Variants in MBOAT1 observed in about 807,000 individuals in gnomAD.
MBOAT1 encodes membrane-bound glycerophospholipid O-acyltransferase 1.
In MBOAT1, 67 loss-of-function variants were observed where a neutral mutation model predicts 64.4. The ratio of observed to expected loss-of-function variants is 1.04; its 90% confidence interval spans 0.85 to 1.27. MBOAT1 has a LOEUF of 1.27. Ranked by LOEUF, MBOAT1 falls within the 50% of genes most tolerant of loss-of-function variation. The pLI is 0.00. For missense variants in MBOAT1, 563 were observed against 604.6 expected, an observed-to-expected ratio of 0.93 and a Z score of 0.72; for synonymous variants, 229 against 218.9, an observed-to-expected ratio of 1.05 and a Z score of -0.41.
chr6:20,128,967 T>C (rs1185589184), intron 5 of MBOAT1, among the ~76,000 whole-genome samples: 2 of 152,132 alleles, frequency 1.3e-5, no homozygotes, highest in African/African-American at 2.4e-5. Flanking sequence ...TAGGTTCACA[T>C]GGAGAGGGGA....
intron 1 of MBOAT1, among the ~76,000 whole-genome samples, chr6:20,169,871 C>G (rs1163043378): frequency 2.0e-5 from 3 of 152,192 alleles, no homozygotes; most frequent in African/African-American, 4.8e-5. Context: ...TTTAACCTCC[C>G]TTTGTGCCAT....
chr6:20,138,762 G>A (rs1003696781), intron 4 of MBOAT1, among the ~76,000 whole-genome samples: 3 of 152,134 alleles, frequency 2.0e-5, no homozygotes, highest in African/African-American at 7.2e-5. Context: ...ACGCACATGA[G>A]CTTCCTAGGG....
intron 11 of MBOAT1, among the ~76,000 whole-genome samples, chr6:20,111,483 G>A (rs938255668): frequency 3.9e-5 from 6 of 151,922 alleles, no homozygotes; most frequent in African/African-American, 7.3e-5. Context: ...CTCTCTATCC[G>A]CTACCTAATT....
At chr6:20,128,529 G>A (rs1760725133) in intron 6 of MBOAT1, among the ~76,000 whole-genome samples, 170 bp downstream of exon 6, 1 of 152,124 alleles carries the variant, frequency 6.6e-6, no homozygotes, top group Admixed American at 6.5e-5. Flanking sequence ...TTAATCACTT[G>A]TAAAAACCAA....
chr6:20,180,478 G>A (rs1381700618), intron 1 of MBOAT1, among the ~76,000 whole-genome samples: 1 of 152,116 alleles, frequency 6.6e-6, no homozygotes, highest in South Asian at 2.1e-4. Flanking sequence ...CTACCCAGTG[G>A]GGACTCTTGG....
At chr6:20,158,879 G>A (rs1238562621) in intron 1 of MBOAT1, among the ~76,000 whole-genome samples, 2 of 152,122 alleles carry the variant, frequency 1.3e-5, no homozygotes, top group African/African-American at 4.8e-5. Flanking sequence ...AACACCTCAC[G>A]TGTGTTAGAA....
At chr6:20,155,058 A>C (rs879296614) in intron 1 of MBOAT1, among the ~76,000 whole-genome samples, 1 of 152,240 alleles carries the variant, frequency 6.6e-6, no homozygotes, top group South Asian at 2.1e-4. Flanking sequence ...GAAAGTGGCT[A>C]CAGGGAAATT....
chr6:20,190,361 A>G (rs911210603), intron 1 of MBOAT1, among the ~76,000 whole-genome samples: 6 of 152,226 alleles, frequency 3.9e-5, no homozygotes, highest in African/African-American at 1.4e-4. Context: ...TCAAAAAGTA[A>G]AAGTCTTCTT....
In MBOAT1 at chr6:20,170,096, C is replaced by G. The variant is rs1581441087; in HGVS notation, c.100-17327G>C. Among the ~76,000 whole-genome samples the G allele has an allele frequency of 2.0e-5, 3 of 152,192 alleles. No individual in the cohort carries two copies. In the East Asian group the frequency reaches 5.8e-4, roughly 29 times the overall value. On this transcript the variant is annotated intron_variant, in intron 1 of 12. Transcript: ENST00000324607. Reference sequence around the variant, plus strand: ...CTTACCTCTCTGACCAGGCTTATCCCTCTCCTTTGAGGGCAGTTCCCCTGT... The same window carrying G: ...CTTACCTCTCTGACCAGGCTTATCCGTCTCCTTTGAGGGCAGTTCCCCTGT...
intron 4 of MBOAT1, among the ~76,000 whole-genome samples, chr6:20,135,187 A>G (rs569830371): frequency 6.6e-6 from 1 of 152,218 alleles, no homozygotes; most frequent in South Asian, 2.1e-4. Context: ...AAGTAGGGCT[A>G]TTTTACTATT....
At chr6:20,150,325 C>G (rs192588993) in intron 3 of MBOAT1, among the ~76,000 whole-genome samples, 13 of 152,164 alleles carry the variant, frequency 8.5e-5, no homozygotes. Context: ...AAAACGATCA[C>G]CAGATTCAAG....
intron 1 of MBOAT1, among the ~76,000 whole-genome samples, chr6:20,205,867 G>C (rs755349260): frequency 6.6e-6 from 1 of 152,104 alleles, no homozygotes; most frequent in Non-Finnish European, 1.5e-5. Context: ...TCAGTCACTG[G>C]ACACCACCTC....
chr6:20,181,689 G>T (rs963667206), intron 1 of MBOAT1, among the ~76,000 whole-genome samples: 2 of 152,234 alleles, frequency 1.3e-5, no homozygotes, highest in African/African-American at 2.4e-5. Context: ...GCCCACGCGT[G>T]TGAAACACAC....
intron 4 of MBOAT1, among the ~76,000 whole-genome samples, chr6:20,138,283 T>C (rs1761061802): frequency 6.6e-6 from 1 of 152,216 alleles, no homozygotes. Context: ...ACATGCAATT[T>C]TCAGGCGGAT....
chr6:20,189,669 G>C (rs1193222097), intron 1 of MBOAT1, among the ~76,000 whole-genome samples: 4 of 151,550 alleles, frequency 2.6e-5, no homozygotes, highest in African/African-American at 9.7e-5. Flanking sequence ...TATACCCTTT[G>C]AGCAACATAT....
intron 4 of MBOAT1, among the ~76,000 whole-genome samples, chr6:20,141,675 T>C (rs1202194): frequency 0.99 from 149,964 of 152,214 alleles, 73,913 homozygotes; most frequent in East Asian, 1. Context: ...GTGTGAGCCA[T>C]TGTGCCTGGC....
chr6:20,168,135 G>C (rs1480830409), intron 1 of MBOAT1, among the ~76,000 whole-genome samples: 2 of 152,040 alleles, frequency 1.3e-5, no homozygotes, highest in African/African-American at 4.8e-5. Context: ...GCTGTTAATT[G>C]TGCTTTAAAG....
Position 20,212,186 on chromosome 6 carries a change from A to G in MBOAT1, c.49T>C (p.Ser17Pro). Residue 17 changes from serine to proline, a missense_variant, in exon 1 of 13, where the codon TCC becomes CCC. Coordinates refer to ENST00000324607, the MANE Select transcript of MBOAT1 (RefSeq NM_001080480.3). The part of the protein sequence containing the change: ...PSSLSYRTTG[S>P]TYLHPLSELL... The stretch of plus-strand genomic sequence containing the variant: ...TCGCTGAGCGGGTGCAGGTAGGTGG[A>G]GCCCGTGGTGCGGTAGGAAAGGCTG... 1 of 1,613,466 alleles carries G rather than the reference A, an allele frequency of 6.2e-7. No individual in the cohort carries two copies. Among genetic ancestry groups the G allele is most frequent in the Non-Finnish European group, 8.5e-7 (1 of 1,179,876 alleles).
intron 1 of MBOAT1, among the ~76,000 whole-genome samples, chr6:20,161,982 C>T (rs1048365241): frequency 3.3e-5 from 5 of 152,210 alleles, no homozygotes; most frequent in Admixed American, 2.6e-4. Flanking sequence ...CTTCTGAGAC[C>T]TCTGTCCTTG....
Sources: allele counts gnomAD v4.1 joint callset (sites outside exome capture counted in the v4.1 genomes callset), GRCh38; gene constraint gnomAD v4.1.1; transcripts MANE v1.5; gene names NCBI Gene and HGNC (gene_info 2026-07-23, HGNC 2026-07-21).